The following JUP variants were observed in gnomAD, a reference collection of about 807,000 sequenced individuals.
The protein encoded by JUP is junction plakoglobin.
A neutral mutation model predicts 71.1 loss-of-function variants in JUP; 28 were observed. The ratio of observed to expected loss-of-function variants is 0.39; its 90% CI spans 0.29 to 0.54. The LOEUF (loss-of-function observed/expected upper bound fraction) is 0.54, where lower values mean the gene tolerates loss of function less well. Ranked by LOEUF, JUP falls within the 20% of genes least tolerant of loss-of-function variation. The pLI is 0.62. For missense variants in JUP, 869 were observed against 1,030.1 expected (o/e 0.84, Z 2.14); for synonymous variants, 401 against 438.9 (o/e 0.91, Z 1.08).
Position 41,763,008 on chromosome 17 carries a change from T to C in JUP, c.1472A>G (p.Gln491Arg). The C allele has an allele frequency of 6.2e-7, 1 of 1,614,098 alleles. No individual in the cohort carries two copies. ...GIPAIVKLLNQPNQWPLVKAT... is the reference protein window; with the variant it reads ...GIPAIVKLLNRPNQWPLVKAT... Reference sequence around the variant, plus strand: ...CTTGACCAGTGGCCACTGGTTGGGCTGGTTGAGCAGCTTCACGATGGCTGG... The same window carrying C: ...CTTGACCAGTGGCCACTGGTTGGGCCGGTTGAGCAGCTTCACGATGGCTGG... The change falls in exon 8 of 14, where the codon CAG (glutamine) becomes CGG (arginine). Residue 491 changes from glutamine to arginine, a missense_variant. Gln to Arg is a conservative substitution (Grantham distance 43). Coordinates refer to ENST00000393931, the MANE Select transcript of JUP (RefSeq NM_002230.4).
chr17:41,784,750 T>A (rs1555611287), intron 1 of JUP, among the ~76,000 whole-genome samples: 1 of 151,868 alleles, frequency 6.6e-6, no homozygotes, highest in East Asian at 1.9e-4. Context: ...CACTCCCCCA[T>A]CTACAACAAA....
chr17:41,766,851 T>C (rs1279175201), intron 5 of JUP, among the ~76,000 whole-genome samples: 1 of 143,026 alleles, frequency 7.0e-6, no homozygotes, highest in Non-Finnish European at 1.5e-5. Flanking sequence ...TGAGACTCCA[T>C]CTCAAACAAA....
chr17:41,761,125 GCT>G (rs1567806918), intron 8 of JUP, among the ~76,000 whole-genome samples: 1 of 152,100 alleles, frequency 6.6e-6, no homozygotes, highest in East Asian at 1.9e-4. Context: ...CACACAGCTA[GCT>G]CTCTTCCACC....
chr17:41,777,022 T>A (rs548315560), intron 1 of JUP, among the ~76,000 whole-genome samples: 1 of 151,534 alleles, frequency 6.6e-6, no homozygotes, highest in African/African-American at 2.4e-5. Context: ...AAAAGAAAAA[T>A]AATAAAAATT....
intron 2 of JUP, among the ~76,000 whole-genome samples, chr17:41,770,762 T>G (rs1488688789): frequency 6.6e-6 from 1 of 152,194 alleles, no homozygotes; most frequent in Non-Finnish European, 1.5e-5. Context: ...CATCCCGGAC[T>G]AAGCCCCAGA....
chr17:41,761,561 T>C (rs1344890362), intron 8 of JUP, among the ~76,000 whole-genome samples: 1 of 151,982 alleles, frequency 6.6e-6, no homozygotes, highest in African/African-American at 2.4e-5. Context: ...CCTGTAATCC[T>C]AGCACTTTGG....
At chr17:41,765,358 GT>G (rs569234400) in intron 5 of JUP, among the ~76,000 whole-genome samples, 47 of 140,400 alleles carry the variant, frequency 3.3e-4, no homozygotes, top group Admixed American at 9.3e-4. Context: ...AAGTTTTTTT[GT>G]TTTTTTTTTT....
chr17:41,771,619 C>A, intron 2 of JUP, 28 bp downstream of exon 2: 1 of 1,606,808 alleles, frequency 6.2e-7, no homozygotes, highest in South Asian at 1.1e-5. Flanking sequence ...GTTTTCTGCC[C>A]CATGCAATAG....
intron 5 of JUP, 108 bp from the exon 6 acceptor site, chr17:41,765,175 G>A (rs781841324): frequency 3.1e-5 from 34 of 1,099,446 alleles, no homozygotes; most frequent in South Asian, 4.3e-5. Flanking sequence ...GCTAAAGCAC[G>A]AATAGTTCGT....
In JUP at chr17:41,771,789, G is replaced by A. The variant is rs782575179; in HGVS notation, c.66C>T (p.Tyr22=). Residue 22 remains tyrosine (Y), a synonymous_variant, in exon 2 of 14, where the codon TAC becomes TAT. Transcript: ENST00000393931. Reference sequence around the variant, plus strand: ...TGGCGCCCGAGTGGATACCCGAGTCGTAGGTGTATGTCTGCTGCCACTCAG... The same window carrying A: ...TGGCGCCCGAGTGGATACCCGAGTCATAGGTGTATGTCTGCTGCCACTCAG... The part of the protein sequence containing the change: ...KVTEWQQTYT[Y]DSGIHSGANT... 2.7e-5 allele frequency: 43 copies of A among 1,613,728 alleles called. No homozygotes were observed. The highest frequency in any genetic ancestry group is 1.5e-4 in the South Asian group (14 of 91,076).
At chr17:41,760,309 G>A (rs1443217588) in intron 8 of JUP, among the ~76,000 whole-genome samples, 1 of 151,582 alleles carries the variant, frequency 6.6e-6, no homozygotes, top group Non-Finnish European at 1.5e-5. Flanking sequence ...AGGCTGGAGT[G>A]CAGTGGCGCG....
intron 1 of JUP, among the ~76,000 whole-genome samples, chr17:41,784,212 G>A (rs1478324954): frequency 5.9e-5 from 9 of 151,986 alleles, no homozygotes; most frequent in Admixed American, 2.6e-4. Flanking sequence ...GCCCTAGCCC[G>A]ACCTTTTTCG....
intron 1 of JUP, among the ~76,000 whole-genome samples, chr17:41,772,656 C>A (rs1468857279): frequency 6.6e-6 from 1 of 152,148 alleles, no homozygotes; most frequent in Non-Finnish European, 1.5e-5. Context: ...AGCAGGTGCT[C>A]AGAGGCCACG....
At chr17:41,777,076 A>C (rs8080581) in intron 1 of JUP, among the ~76,000 whole-genome samples, 7,655 of 152,290 alleles carry the variant, frequency 0.05, 345 homozygotes, top group African/African-American at 0.12. Context: ...GGCAAGGTGG[A>C]TGGCAGTCTG....
rs1555602354 is a variant in JUP at position 41,763,238 on chromosome 17, T to G, written c.1242A>C (p.Thr414=). 6.2e-7 allele frequency: 1 copy of G among 1,614,128 alleles called. No homozygotes were observed. Among genetic ancestry groups the G allele is most frequent in the Non-Finnish European group, 8.5e-7 (1 of 1,180,014 alleles). ...TGTTGTTGCATGTCAGGTTGGAGAGTGTGCCCGTGGCACAGGTGAGGACGT... is the reference window on the plus strand; with the variant it reads ...TGTTGTTGCATGTCAGGTTGGAGAGGGTGCCCGTGGCACAGGTGAGGACGT... The part of the protein sequence containing the change: ...DVNVLTCATG[T]LSNLTCNNSK... The change falls in exon 8 of 14, where the codon ACA becomes ACC. Residue 414 remains threonine (T), a synonymous_variant. Transcript: ENST00000393931.
chr17:41,759,168 G>T (rs1914391757), intron 8 of JUP, among the ~76,000 whole-genome samples: 1 of 151,462 alleles, frequency 6.6e-6, no homozygotes. Flanking sequence ...CCACCTCCTG[G>T]GTTCAAGCGA....
At chr17:41,783,785 G>A (rs1422685625) in intron 1 of JUP, among the ~76,000 whole-genome samples, 3 of 151,512 alleles carry the variant, frequency 2.0e-5, no homozygotes, top group East Asian at 3.9e-4. Flanking sequence ...CGGGGGTGGT[G>A]GCACACGCCT....
At chr17:41,772,813 C>T (rs782334780) in intron 1 of JUP, 28 of 985,318 alleles carry the variant, frequency 2.8e-5, no homozygotes, top group African/African-American at 5.2e-5. Flanking sequence ...AAGGTTTAGG[C>T]GCACCTGAAG....
chr17:41,784,879 C>G (rs1280501155), intron 1 of JUP: 1 of 152,116 alleles, frequency 6.6e-6, no homozygotes, highest in African/African-American at 2.4e-5. Flanking sequence ...TGTTCCCCAA[C>G]GAGGCTGGGC....
Sources: gnomAD v4.1 joint callset for allele counts (sites outside exome capture counted in the v4.1 genomes callset) on GRCh38, gnomAD v4.1.1 for gene constraint, MANE v1.5 for transcripts, NCBI Gene and HGNC (gene_info 2026-07-23, HGNC 2026-07-21) for gene names.